The following RAB21 variants were observed in gnomAD, a reference collection of about 807,000 sequenced individuals.
RAB21 encodes the protein RAB21, member RAS oncogene family.
RAB21 carries 13 observed loss-of-function variants against 33.1 expected under a neutral mutation model. The ratio of observed to expected loss-of-function variants is 0.39; its 90% confidence interval spans 0.26 to 0.62. The LOEUF (loss-of-function observed/expected upper bound fraction) is 0.62. RAB21 is among the 20% of genes least tolerant of loss of function. The pLI is 0.48. For missense variants in RAB21, 234 were observed against 279.1 expected (o/e 0.84, Z 1.15); for synonymous variants, 91 against 103.7 (o/e 0.88, Z 0.74).
At chr12:71,770,895 A>G (rs1287222253) in intron 3 of RAB21, among the ~76,000 whole-genome samples, 196 bp downstream of exon 3, 1 of 152,174 alleles carries the variant, frequency 6.6e-6, no homozygotes. Flanking sequence ...GTTTAATGAA[A>G]TATTTGATTC....
chr12:71,759,110 G>T lies in RAB21; in HGVS notation c.159+3822G>T, dbSNP rs992785669. On this transcript the variant is annotated intron_variant, in intron 1 of 6. Transcript: ENST00000261263. ...GTATTGTAGTTAAGCTTTTTCTTTTGTTTCTAATATACTTGACCCATTAAG... is the reference window on the plus strand; with the variant it reads ...GTATTGTAGTTAAGCTTTTTCTTTTTTTTCTAATATACTTGACCCATTAAG... 3.3e-5 allele frequency among the ~76,000 whole-genome samples: 5 copies of T among 152,238 alleles called. No individual in the cohort carries two copies. In the East Asian group the frequency reaches 9.6e-4, roughly 29 times the overall value.
rs189004085 is a variant in RAB21, at chr12:71,797,987, A to T, written c.*12314A>T. The stretch of plus-strand genomic sequence containing the variant: ...AGAGGTTGTCAGAGAATTTTTAAAG[A>T]TTTTAGTGTGGTAAAGGATTTCCTG... On this transcript the variant is annotated 3_prime_UTR_variant, in exon 7 of 7. Coordinates refer to ENST00000261263, the MANE Select transcript of RAB21 (RefSeq NM_014999.4). The T allele has an allele frequency of 3.3e-5, 5 of 152,326 alleles. No individual in the cohort carries two copies. Among genetic ancestry groups the T allele is most frequent in the Admixed American group, 2.0e-4 (3 of 15,296 alleles). The allele number at this position is 152,326 out of a possible 1,614,324, so 9.4% of individuals were successfully genotyped here. A position where few individuals can be genotyped will look rare whatever the true frequency, so the allele number is the denominator to read the frequency against.
At chr12:71,756,065 A>G (rs1223780987) in intron 1 of RAB21, among the ~76,000 whole-genome samples, 1 of 152,118 alleles carries the variant, frequency 6.6e-6, no homozygotes, top group East Asian at 1.9e-4. Flanking sequence ...AGGGAGTTGT[A>G]CTCACCCCAC....
chr12:71,779,037 G>A (rs1398764201), intron 4 of RAB21, among the ~76,000 whole-genome samples: 1 of 152,172 alleles, frequency 6.6e-6, no homozygotes, highest in Admixed American at 6.5e-5. Flanking sequence ...ATTAATAACT[G>A]TTCCTTATTG....
At chr12:71,760,915 C>T (rs12825482) in intron 1 of RAB21, among the ~76,000 whole-genome samples, 15,568 of 151,970 alleles carry the variant, frequency 0.1, 1,127 homozygotes, top group East Asian at 0.32. Context: ...GAAACTAAGA[C>T]TTGGATTTGG....
At chr12:71,769,040 C>CCCACT (rs1331045716) in intron 1 of RAB21, among the ~76,000 whole-genome samples, 1 of 152,124 alleles carries the variant, frequency 6.6e-6, no homozygotes, top group Non-Finnish European at 1.5e-5. Context: ...ATTGACCATA[C>CCCACT]CCACTTGGAG....
rs180844369 is a variant in RAB21, at chr12:71,792,807, A to G, written c.*7134A>G. ...CTAGAGATGAGCTGATACCTGTTGC[A>G]CATAGTCCAAGATATAAGTAATTTA... On this transcript the variant is annotated 3_prime_UTR_variant, in exon 7 of 7. Coordinates refer to ENST00000261263, the MANE Select transcript of RAB21 (RefSeq NM_014999.4). 2 of 152,296 alleles carry G rather than the reference A, an allele frequency of 1.3e-5. No homozygotes were observed. Among genetic ancestry groups the G allele is most frequent in the Non-Finnish European group, 2.9e-5 (2 of 68,042 alleles). The allele number at this position is 152,296 out of a possible 1,614,324, so 9.4% of individuals were successfully genotyped here.
At chr12:71,768,932 C>CGTGT (rs60960317) in intron 1 of RAB21, among the ~76,000 whole-genome samples, 5,119 of 151,520 alleles carry the variant, frequency 0.034, 282 homozygotes, top group African/African-American at 0.12. Flanking sequence ...GTATACTTGA[C>CGTGT]GTGTGTGTGT....
rs2137665227 is a variant in RAB21 at position 71,791,518 on chromosome 12, C to T, written c.*5845C>T. The T allele has an allele frequency of 6.6e-6, 1 of 152,280 alleles. No homozygotes were observed. Among genetic ancestry groups the T allele is most frequent in the South Asian group, 2.1e-4 (1 of 4,822 alleles). 9.4% of individuals were successfully genotyped at this position (152,280 alleles called of 1,614,324 possible). ...AGAAGGAAAAAGAGGAAAGGTATAACTGATGGGGAAAAGTACAAGATAAAC... is the reference window on the plus strand; with the variant it reads ...AGAAGGAAAAAGAGGAAAGGTATAATTGATGGGGAAAAGTACAAGATAAAC... On this transcript the variant is annotated 3_prime_UTR_variant, in exon 7 of 7. Coordinates refer to ENST00000261263, the MANE Select transcript of RAB21 (RefSeq NM_014999.4).
chr12:71,784,898 C>T (rs1883260253), intron 6 of RAB21, among the ~76,000 whole-genome samples: 1 of 151,824 alleles, frequency 6.6e-6, no homozygotes, highest in African/African-American at 2.4e-5. Context: ...TTGAGACCAG[C>T]CTGGGCAACA....
chr12:71,769,909 T>A, intron 2 of RAB21, 50 bp downstream of exon 2: 2 of 971,506 alleles, frequency 2.1e-6, no homozygotes, highest in Non-Finnish European at 2.8e-6. Context: ...TCCTTTTTTC[T>A]TTTTTTTTAA....
Position 71,755,122 on chromosome 12 carries a change from G to C in RAB21, c.-8G>C. 8.4e-7 allele frequency: 1 copy of C among 1,191,378 alleles called. No individual in the cohort carries two copies. The allele number at this position is 1,191,378 out of a possible 1,614,324, so 73.8% of individuals were successfully genotyped here. A position where few individuals can be genotyped will look rare whatever the true frequency, so the allele number is the denominator to read the frequency against. On this transcript the variant is annotated 5_prime_UTR_variant, in exon 1 of 7. Transcript: ENST00000261263. ...ACACTCGGGCTCGGGCGGCCGGGAA[G>C]CGACGGGATGGCTGCGGCCGGCGGC... is the stretch of plus-strand genomic sequence containing the variant.
chr12:71,787,056 A>G lies in RAB21; in HGVS notation c.*1383A>G, dbSNP rs909706821. The G allele has an allele frequency of 6.6e-6, 1 of 152,182 alleles. No individual in the cohort carries two copies. Among genetic ancestry groups the G allele is most frequent in the Non-Finnish European group, 1.5e-5 (1 of 68,022 alleles). 9.4% of individuals were successfully genotyped at this position (152,182 alleles called of 1,614,324 possible). ...ACGTAGTTTATGTTCCTGAGGCAGCACTTTTAGATCCTTTGTGAGCAAGTT... is the reference window on the plus strand; with the variant it reads ...ACGTAGTTTATGTTCCTGAGGCAGCGCTTTTAGATCCTTTGTGAGCAAGTT... On this transcript the variant is annotated 3_prime_UTR_variant, in exon 7 of 7. Coordinates refer to ENST00000261263, the MANE Select transcript of RAB21 (RefSeq NM_014999.4).
At chr12:71,764,185 T>G (rs773105263) in intron 1 of RAB21, among the ~76,000 whole-genome samples, 1 of 152,168 alleles carries the variant, frequency 6.6e-6, no homozygotes, top group Non-Finnish European at 1.5e-5. Flanking sequence ...TATAAATCTC[T>G]TGGAAGTACG....
chr12:71,757,185 T>G (rs1478760867), intron 1 of RAB21, among the ~76,000 whole-genome samples: 1 of 152,204 alleles, frequency 6.6e-6, no homozygotes, highest in Non-Finnish European at 1.5e-5. Flanking sequence ...TTCCACTCAC[T>G]GCAACCTCCA....
At position 71,797,223 on chromosome 12, in the gene RAB21, A is replaced by G. The variant is rs969966428; in HGVS notation, c.*11550A>G. 1 of 152,192 alleles carries G rather than the reference A, an allele frequency of 6.6e-6. No individual in the cohort carries two copies. Among genetic ancestry groups the G allele is most frequent in the African/African-American group, 2.4e-5 (1 of 41,442 alleles). The allele number at this position is 152,192 out of a possible 1,614,324, so 9.4% of individuals were successfully genotyped here. On this transcript the variant is annotated 3_prime_UTR_variant, in exon 7 of 7. Transcript: ENST00000261263. ...CCCATTAAAAATGGAGGAAAAGGTA[A>G]AGTTAGTATTTGTAGATGATAGTGC...
chr12:71,783,945 A>G (rs1009968838), intron 6 of RAB21, among the ~76,000 whole-genome samples: 1 of 152,144 alleles, frequency 6.6e-6, no homozygotes, highest in African/African-American at 2.4e-5. Context: ...TCACATCTTC[A>G]AAACAATTTT....
At chr12:71,764,561 C>T (rs1235313121) in intron 1 of RAB21, among the ~76,000 whole-genome samples, 1 of 152,094 alleles carries the variant, frequency 6.6e-6, no homozygotes, top group East Asian at 1.9e-4. Flanking sequence ...TGCACCTGAG[C>T]AGTGTACACC....
rs535039594 is a variant in RAB21 at position 71,768,389 on chromosome 12, A to G, written c.160-1411A>G. Among the ~76,000 whole-genome samples the G allele has an allele frequency of 5.9e-5, 9 of 152,230 alleles. No homozygotes were observed. In the South Asian group the frequency reaches 1.0e-3, roughly 18 times the overall value. On this transcript the variant is annotated intron_variant, in intron 1 of 6. Coordinates refer to ENST00000261263, the MANE Select transcript of RAB21 (RefSeq NM_014999.4). The stretch of plus-strand genomic sequence containing the variant: ...TTTCACCTTCTTTGCACTTTCTTCT[A>G]TATAAATAACACCTAAATGTGACTA...
Sources: gnomAD v4.1 joint callset for allele counts (sites outside exome capture counted in the v4.1 genomes callset) on GRCh38, gnomAD v4.1.1 for gene constraint, MANE v1.5 for transcripts, NCBI Gene and HGNC (gene_info 2026-07-23, HGNC 2026-07-21) for gene names.